The following FHIT variants were observed in gnomAD, a reference collection of about 807,000 sequenced individuals.
FHIT encodes the protein bis(5'-adenosyl)-triphosphatase.
FHIT carries 19 observed loss-of-function variants against 17.9 expected under a neutral mutation model. The observed-to-expected ratio is 1.06, with a 90% CI of 0.74 to 1.56. FHIT has a LOEUF of 1.56. Ranked by LOEUF, FHIT falls within the 40% of genes most tolerant of loss-of-function variation. The pLI is 0.00. For missense variants in FHIT, 248 were observed against 189.2 expected (o/e 1.31, Z -1.82); for synonymous variants, 81 against 69.7 (o/e 1.16, Z -0.81).
At chr3:60,334,462 G>T (rs1056819625) in intron 5 of FHIT, among the ~76,000 whole-genome samples, 1 of 152,168 alleles carries the variant, frequency 6.6e-6, no homozygotes, top group African/African-American at 2.4e-5. Context: ...CACCTGAATT[G>T]CAGTACTTGG....
chr3:60,686,378 T>C (rs1553698437), intron 4 of FHIT, among the ~76,000 whole-genome samples: 1 of 152,170 alleles, frequency 6.6e-6, no homozygotes, highest in African/African-American at 2.4e-5. Flanking sequence ...ACAAAAGTAA[T>C]TGTGGGTTTT....
chr3:61,212,654 C>T (rs1227955728), intron 1 of FHIT, among the ~76,000 whole-genome samples: 2 of 152,058 alleles, frequency 1.3e-5, no homozygotes, highest in African/African-American at 4.8e-5. Context: ...ACAGAGAACG[C>T]CACAAAGATA....
At chr3:60,613,518 T>C (rs150712935) in intron 4 of FHIT, among the ~76,000 whole-genome samples, 69 of 152,280 alleles carry the variant, frequency 4.5e-4, no homozygotes, top group African/African-American at 1.6e-3. Flanking sequence ...GAGTACCTTT[T>C]GCATGGAGCC....
intron 5 of FHIT, among the ~76,000 whole-genome samples, chr3:60,193,712 C>T (rs936123766): frequency 6.6e-6 from 1 of 152,110 alleles, no homozygotes; most frequent in Non-Finnish European, 1.5e-5. Context: ...CACATCCTGA[C>T]CCTGCAAACA....
chr3:60,956,889 A>C (rs1367390098), intron 3 of FHIT, among the ~76,000 whole-genome samples: 1 of 150,742 alleles, frequency 6.6e-6, no homozygotes, highest in Non-Finnish European at 1.5e-5. Context: ...TCCTACAAAA[A>C]ATGAATTGTG....
chr3:60,512,117 A>G (rs1025452267), intron 5 of FHIT, among the ~76,000 whole-genome samples: 2 of 152,350 alleles, frequency 1.3e-5, no homozygotes, highest in Non-Finnish European at 2.9e-5. Flanking sequence ...AGAATCACCA[A>G]CAAATGCTAA....
At chr3:60,991,551 C>T (rs1461355019) in intron 3 of FHIT, among the ~76,000 whole-genome samples, 1 of 152,160 alleles carries the variant, frequency 6.6e-6, no homozygotes, top group African/African-American at 2.4e-5. Context: ...TCCCAAGGCC[C>T]TGTCTTTGTC....
chr3:60,885,876 T>C (rs1409535373), intron 3 of FHIT, among the ~76,000 whole-genome samples: 1 of 152,126 alleles, frequency 6.6e-6, no homozygotes, highest in Non-Finnish European at 1.5e-5. Context: ...CTCTGACACA[T>C]TCATATGTTT....
At chr3:60,807,391 A>G (rs1054397917) in intron 4 of FHIT, among the ~76,000 whole-genome samples, 1 of 151,400 alleles carries the variant, frequency 6.6e-6, no homozygotes, top group African/African-American at 2.4e-5. Flanking sequence ...TGGGCAACAT[A>G]GGGACACCCT....
chr3:60,785,912 C>T (rs1435513598), intron 4 of FHIT, among the ~76,000 whole-genome samples: 2 of 149,788 alleles, frequency 1.3e-5, no homozygotes, highest in South Asian at 2.1e-4. Context: ...CACACACACA[C>T]ACACACACAC....
intron 7 of FHIT, among the ~76,000 whole-genome samples, chr3:59,951,160 A>G (rs2107307250): frequency 1.3e-5 from 2 of 152,290 alleles, no homozygotes; most frequent in Middle Eastern, 6.8e-3. Flanking sequence ...TCCAGAGGAG[A>G]GGTGGTAGCA....
At position 61,036,912 on chromosome 3, in the gene FHIT, T is replaced by G. The variant is rs556127076; in HGVS notation, c.-111+5135A>C. ...GATCAGTCTGCTTTGTTTTTTTTTT[T>G]TGTTTGTTTGTTTTTTTGAGATGGA... is the stretch of plus-strand genomic sequence containing the variant. On this transcript the variant is annotated intron_variant, in intron 3 of 9. Transcript: ENST00000492590. Among the ~76,000 whole-genome samples the G allele has an allele frequency of 8.4e-3, 897 of 106,710 alleles. 8 individuals carry two copies. Among genetic ancestry groups the G allele is most frequent in the Non-Finnish European group, 0.014 (668 of 48,014 alleles). 70.0% of individuals were successfully genotyped at this position (106,710 alleles called of 152,430 possible). A position where few individuals can be genotyped will look rare whatever the true frequency, so the allele number is the denominator to read the frequency against.
chr3:61,066,568 T>C (rs1461438355), intron 2 of FHIT, among the ~76,000 whole-genome samples: 3 of 152,102 alleles, frequency 2.0e-5, no homozygotes, highest in Non-Finnish European at 2.9e-5. Context: ...TGAGCAGAGA[T>C]TGTGCCATTT....
At chr3:60,832,859 A>C (rs1702381808) in intron 3 of FHIT, among the ~76,000 whole-genome samples, 1 of 152,324 alleles carries the variant, frequency 6.6e-6, no homozygotes, top group African/African-American at 2.4e-5. Context: ...AAGAGATTTT[A>C]CGCTAAGCAT....
chr3:59,871,455 CA>C (rs1702922017), intron 8 of FHIT, among the ~76,000 whole-genome samples: 1 of 152,094 alleles, frequency 6.6e-6, no homozygotes, highest in African/African-American at 2.4e-5. Context: ...CCCACCCCCC[CA>C]CACACGCACA....
At chr3:60,790,966 G>T (rs1448927216) in intron 4 of FHIT, among the ~76,000 whole-genome samples, 1 of 152,152 alleles carries the variant, frequency 6.6e-6, no homozygotes, top group African/African-American at 2.4e-5. Flanking sequence ...AACTAAATTT[G>T]CTGTAGAAAA....
At chr3:60,814,029 T>C (rs1701652675) in intron 4 of FHIT, among the ~76,000 whole-genome samples, 1 of 152,216 alleles carries the variant, frequency 6.6e-6, no homozygotes, top group Non-Finnish European at 1.5e-5. Context: ...TGCTTTTTTA[T>C]ACATTCTAAT....
chr3:60,585,249 G>A (rs966125364), intron 4 of FHIT, among the ~76,000 whole-genome samples: 4 of 151,914 alleles, frequency 2.6e-5, no homozygotes, highest in Non-Finnish European at 5.9e-5. Flanking sequence ...TCCAGGACTT[G>A]AATGCTCCTG....
chr3:59,794,250 C>T (rs1401777427), intron 8 of FHIT, among the ~76,000 whole-genome samples: 4 of 152,198 alleles, frequency 2.6e-5, no homozygotes, highest in African/African-American at 7.2e-5. Flanking sequence ...TTCTTTCAGA[C>T]GTTTTGCACT....
Sources: allele counts gnomAD v4.1 joint callset (sites outside exome capture counted in the v4.1 genomes callset), GRCh38; gene constraint gnomAD v4.1.1; transcripts MANE v1.5; gene names NCBI Gene and HGNC (gene_info 2026-07-23, HGNC 2026-07-21).